FRMD3: variants seen among roughly 807,000 people sequenced by gnomAD.
FRMD3 encodes FERM domain containing 3, also known as FERM domain-containing protein 3.
FRMD3 carries 33 observed loss-of-function variants against 70.2 expected under a neutral mutation model. That is an observed-to-expected ratio of 0.47 (90% CI 0.36 to 0.63). FRMD3 has a LOEUF of 0.63. Ranked by LOEUF, FRMD3 falls within the 20% of genes least tolerant of loss-of-function variation. The pLI is 0.00. For missense variants in FRMD3, 632 were observed against 711.4 expected, an observed-to-expected ratio of 0.89 and a Z score of 1.27; for synonymous variants, 279 against 255.9, an observed-to-expected ratio of 1.09 and a Z score of -0.86.
intron 6 of FRMD3, among the ~76,000 whole-genome samples, chr9:83,329,987 CA>C (rs1836190113): frequency 6.6e-6 from 1 of 152,172 alleles, no homozygotes; most frequent in Non-Finnish European, 1.5e-5. Flanking sequence ...CGAGCACCCT[CA>C]GGACTAACGG....
chr9:83,392,602 G>A (rs1366679396), intron 1 of FRMD3, among the ~76,000 whole-genome samples: 2 of 152,126 alleles, frequency 1.3e-5, no homozygotes, highest in Non-Finnish European at 2.9e-5. Context: ...ACCAGTGCCT[G>A]GCATGCTGGA....
At chr9:83,369,248 A>G (rs936706077) in intron 3 of FRMD3, among the ~76,000 whole-genome samples, 1 of 152,198 alleles carries the variant, frequency 6.6e-6, no homozygotes, top group Non-Finnish European at 1.5e-5. Context: ...GCAAAATACC[A>G]GAAGCCACCA....
intron 13 of FRMD3, among the ~76,000 whole-genome samples, chr9:83,277,871 A>G (rs1833843019): frequency 6.6e-6 from 1 of 152,222 alleles, no homozygotes; most frequent in Non-Finnish European, 1.5e-5. Flanking sequence ...GTACCGGAAC[A>G]TCCCTAAATG....
rs1382086725 is a variant in FRMD3, at chr9:83,434,447, C to G, written c.148-44739G>C. ...TGTGAATGGGGACAAATGTCCAACACTAAACAAGAGGATGCACACAAAGCT... is the reference window on the plus strand; with the variant it reads ...TGTGAATGGGGACAAATGTCCAACAGTAAACAAGAGGATGCACACAAAGCT... On this transcript the variant is annotated intron_variant, in intron 1 of 13. Coordinates refer to ENST00000304195, the MANE Select transcript of FRMD3 (RefSeq NM_174938.6). Among the ~76,000 whole-genome samples the G allele has an allele frequency of 2.6e-5, 4 of 152,168 alleles. No homozygotes were observed. In the East Asian group the frequency reaches 7.7e-4, roughly 29 times the overall value.
chr9:83,499,876 C>G (rs1389263721), intron 1 of FRMD3, among the ~76,000 whole-genome samples: 3 of 152,136 alleles, frequency 2.0e-5, no homozygotes, highest in African/African-American at 7.2e-5. Flanking sequence ...TGAATAGTTA[C>G]ACAAACTGTG....
intron 13 of FRMD3, among the ~76,000 whole-genome samples, chr9:83,289,162 G>GA (rs1186399326): frequency 6.6e-6 from 1 of 152,150 alleles, no homozygotes; most frequent in African/African-American, 2.4e-5. Context: ...TTAGTGACCA[G>GA]AAATTAAAAC....
intron 3 of FRMD3, among the ~76,000 whole-genome samples, chr9:83,350,486 G>T (rs1824111206): frequency 1.3e-5 from 2 of 151,630 alleles, no homozygotes; most frequent in Non-Finnish European, 2.9e-5. Flanking sequence ...AGCTGGGTGT[G>T]GTGGCACATG....
At chr9:83,345,756 C>CA (rs1823936673) in intron 4 of FRMD3, among the ~76,000 whole-genome samples, 2 of 151,518 alleles carry the variant, frequency 1.3e-5, no homozygotes, top group South Asian at 4.2e-4. Flanking sequence ...GACTCCATCT[C>CA]AAAAAATAAA....
chr9:83,574,578 A>C, the FRMD3 span, among the ~76,000 whole-genome samples: 1 of 152,152 alleles, frequency 6.6e-6, no homozygotes, highest in African/African-American at 2.4e-5. Context: ...TCTTAGCAGA[A>C]ACACTGAGGA....
At chr9:83,551,498 T>C in the FRMD3 span, among the ~76,000 whole-genome samples, 2 of 152,110 alleles carry the variant, frequency 1.3e-5, no homozygotes, top group Non-Finnish European at 2.9e-5. Flanking sequence ...ACAGAATGAG[T>C]TGGGGAGAAG....
intron 2 of FRMD3, among the ~76,000 whole-genome samples, chr9:83,377,407 A>G (rs891263252): frequency 6.6e-6 from 1 of 152,220 alleles, no homozygotes; most frequent in Non-Finnish European, 1.5e-5. Flanking sequence ...TTAATTTTTT[A>G]CATGTACTGG....
At chr9:83,291,344 G>T (rs950946493) in intron 12 of FRMD3, among the ~76,000 whole-genome samples, 3 of 152,176 alleles carry the variant, frequency 2.0e-5, no homozygotes, top group Non-Finnish European at 4.4e-5. Context: ...AACTGTGCAG[G>T]TATCTCATTA....
intron 1 of FRMD3, among the ~76,000 whole-genome samples, chr9:83,395,562 TA>T (rs1327377325): frequency 1.3e-5 from 2 of 152,130 alleles, no homozygotes; most frequent in Admixed American, 6.6e-5. Context: ...AGCTCCCACT[TA>T]TAAGTGAGAA....
At chr9:83,282,370 C>T (rs1198392764) in intron 13 of FRMD3, among the ~76,000 whole-genome samples, 2 of 152,134 alleles carry the variant, frequency 1.3e-5, no homozygotes, top group African/African-American at 4.8e-5. Flanking sequence ...CGTAACTGTT[C>T]ACTTGAAGGC....
chr9:83,359,676 A>G (rs1227486560), intron 3 of FRMD3, among the ~76,000 whole-genome samples: 1 of 152,220 alleles, frequency 6.6e-6, no homozygotes, highest in Non-Finnish European at 1.5e-5. Context: ...TGTATGCCAC[A>G]AAAATCTTAT....
At chr9:83,372,770 G>C in intron 3 of FRMD3, 143 bp downstream of exon 3, 2 of 726,846 alleles carry the variant, frequency 2.8e-6, no homozygotes, top group Middle Eastern at 2.4e-4. Flanking sequence ...AAAATACAGA[G>C]CTCTCCTGGG....
At chr9:83,534,176 A>G (rs1489397357) in intron 1 of FRMD3, among the ~76,000 whole-genome samples, 1 of 152,174 alleles carries the variant, frequency 6.6e-6, no homozygotes, top group Non-Finnish European at 1.5e-5. Flanking sequence ...TCTGTCTTGT[A>G]ACCCAAACTC....
intron 1 of FRMD3, among the ~76,000 whole-genome samples, chr9:83,467,944 C>T (rs1451670940): frequency 8.6e-5 from 13 of 151,892 alleles, no homozygotes; most frequent in Non-Finnish European, 1.5e-5. Flanking sequence ...TATCAGACAA[C>T]ATCAGACAGG....
chr9:83,472,497 C>T (rs188364298), intron 1 of FRMD3, among the ~76,000 whole-genome samples: 15 of 152,230 alleles, frequency 9.9e-5, no homozygotes, highest in Admixed American at 9.2e-4. Flanking sequence ...ACAGAGGAGA[C>T]ATTCTGGAGC....
Sources: gnomAD v4.1 joint callset for allele counts (sites outside exome capture counted in the v4.1 genomes callset) on GRCh38, gnomAD v4.1.1 for gene constraint, MANE v1.5 for transcripts, NCBI Gene and HGNC (gene_info 2026-07-23, HGNC 2026-07-21) for gene names.